The following PPP4R4 variants were observed in gnomAD, a reference collection of about 807,000 sequenced individuals.
PPP4R4 encodes the protein serine/threonine-protein phosphatase 4 regulatory subunit 4.
A neutral mutation model predicts 121.8 loss-of-function variants in PPP4R4; 70 were observed. The ratio of observed to expected loss-of-function variants is 0.57; its 90% CI spans 0.47 to 0.70. The LOEUF (loss-of-function observed/expected upper bound fraction) is 0.70, where lower values mean the gene tolerates loss of function less well. PPP4R4 is among the 30% of genes least tolerant of loss of function. The pLI is 0.00. For missense variants in PPP4R4, 875 were observed against 1,033.6 expected (o/e 0.85, Z 2.10); for synonymous variants, 348 against 355.7 (o/e 0.98, Z 0.24).
intron 13 of PPP4R4, 23 bp from the exon 14 acceptor site, chr14:94,246,334 T>G: frequency 1.3e-6 from 2 of 1,580,954 alleles, no homozygotes; most frequent in Non-Finnish European, 1.7e-6. Context: ...TATAATTGAT[T>G]TTTTGATGCG....
chr14:94,189,429 T>C (rs955479857), intron 2 of PPP4R4, among the ~76,000 whole-genome samples: 2 of 152,352 alleles, frequency 1.3e-5, no homozygotes, highest in East Asian at 1.9e-4. Context: ...AATATTATAA[T>C]TGATTTGTTT....
intron 24 of PPP4R4, among the ~76,000 whole-genome samples, chr14:94,276,865 A>G (rs1282909934): frequency 6.6e-6 from 1 of 152,236 alleles, no homozygotes; most frequent in Non-Finnish European, 1.5e-5. Flanking sequence ...GTACTATTAC[A>G]AAAATGTAAT....
At chr14:94,200,693 TTTC>T (rs1890124948) in intron 2 of PPP4R4, among the ~76,000 whole-genome samples, 2 of 152,216 alleles carry the variant, frequency 1.3e-5, no homozygotes, top group South Asian at 4.1e-4. Context: ...TCCCGTTTCA[TTTC>T]TAATTGAGCT....
chr14:94,181,987 C>G (rs1362101330), intron 2 of PPP4R4, among the ~76,000 whole-genome samples: 1 of 152,174 alleles, frequency 6.6e-6, no homozygotes, highest in Non-Finnish European at 1.5e-5. Context: ...CTATTAGCGA[C>G]GAGCTTTCAG....
intron 2 of PPP4R4, among the ~76,000 whole-genome samples, chr14:94,183,882 T>A (rs1889118952): frequency 6.6e-6 from 1 of 151,724 alleles, no homozygotes; most frequent in African/African-American, 2.4e-5. Context: ...ACATTAAAAT[T>A]AATCTATAAA....
chr14:94,255,464 G>A (rs908986919), intron 16 of PPP4R4, among the ~76,000 whole-genome samples: 1 of 152,108 alleles, frequency 6.6e-6, no homozygotes, highest in African/African-American at 2.4e-5. Context: ...AGCCAGGCAT[G>A]GTGGCGGGCA....
intron 1 of PPP4R4, 52 bp downstream of exon 1, chr14:94,174,634 C>T (rs765047025): frequency 3.8e-6 from 6 of 1,594,374 alleles, no homozygotes; most frequent in South Asian, 1.1e-5. Context: ...GCCTGCCCCG[C>T]GCGGTCCCGC....
chr14:94,245,505 A>G, intron 12 of PPP4R4, 82 bp from the exon 13 acceptor site: 2 of 670,010 alleles, frequency 3.0e-6, no homozygotes, highest in Non-Finnish European at 4.8e-6. Flanking sequence ...AACCACTACT[A>G]CTATATAGAA....
chr14:94,212,417 A>G (rs1890790373), intron 3 of PPP4R4, among the ~76,000 whole-genome samples: 1 of 152,172 alleles, frequency 6.6e-6, no homozygotes, highest in South Asian at 2.1e-4. Context: ...AATAGAATTA[A>G]GCCAATCCAT....
intron 17 of PPP4R4, among the ~76,000 whole-genome samples, chr14:94,256,850 GT>G (rs545636887): frequency 8.0e-4 from 122 of 152,118 alleles, no homozygotes; most frequent in Non-Finnish European, 1.3e-3. Context: ...TTTGACACAT[GT>G]TAGGTGCTCA....
intron 3 of PPP4R4, among the ~76,000 whole-genome samples, chr14:94,220,026 A>T (rs1595488945): frequency 6.6e-6 from 1 of 152,204 alleles, no homozygotes; most frequent in East Asian, 1.9e-4. Context: ...GTTCGAGGCC[A>T]GCCTGGCCAA....
At chr14:94,197,588 C>T (rs1441778851) in intron 2 of PPP4R4, among the ~76,000 whole-genome samples, 1 of 152,038 alleles carries the variant, frequency 6.6e-6, no homozygotes, top group African/African-American at 2.4e-5. Context: ...CAGTAAACTA[C>T]ATATATTTAA....
At chr14:94,265,346 C>T (rs757482370) in intron 20 of PPP4R4, 41 bp from the exon 21 acceptor site, 4 of 1,418,984 alleles carry the variant, frequency 2.8e-6, no homozygotes, top group East Asian at 4.6e-5. Flanking sequence ...TTAATAAGGA[C>T]TTAGAGGAAA....
chr14:94,250,557 GGAACTAAAAT>G (rs1397875286), intron 15 of PPP4R4, among the ~76,000 whole-genome samples: 14 of 151,902 alleles, frequency 9.2e-5, no homozygotes, highest in African/African-American at 3.1e-4. Context: ...AATAGCATTT[GGAACTAAAAT>G]ATAAATAGAA....
rs927800264 is a variant in PPP4R4, at chr14:94,230,505, G to C, written c.295-82G>C. The C allele has an allele frequency of 2.3e-6, 3 of 1,325,138 alleles. No homozygotes were observed. In the African/African-American group the frequency reaches 4.4e-5, roughly 20 times the overall value. 82.1% of individuals were successfully genotyped at this position (1,325,138 alleles called of 1,614,324 possible). A position where few individuals can be genotyped will look rare whatever the true frequency, so the allele number is the denominator to read the frequency against. On this transcript the variant is annotated intron_variant, in intron 3 of 24. Transcript: ENST00000304338. ...TAATTTTGTGGAATATGACTATTTAGTTTCTACAACCTTGGATTTTTAAAA... is the reference window on the plus strand; with the variant it reads ...TAATTTTGTGGAATATGACTATTTACTTTCTACAACCTTGGATTTTTAAAA...
At chr14:94,277,170 A>T (rs58197208) in intron 24 of PPP4R4, among the ~76,000 whole-genome samples, 5 of 151,978 alleles carry the variant, frequency 3.3e-5, no homozygotes, top group Admixed American at 6.6e-5. Flanking sequence ...CTGTGGTGGC[A>T]TGTGCCTGTA....
chr14:94,250,137 C>T (rs1296658661), intron 14 of PPP4R4, 35 bp from the exon 15 acceptor site: 2 of 1,367,288 alleles, frequency 1.5e-6, no homozygotes, highest in East Asian at 4.6e-5. Context: ...TAGAATTAGC[C>T]TAGTGTAACT....
intron 3 of PPP4R4, among the ~76,000 whole-genome samples, 175 bp from the exon 4 acceptor site, chr14:94,230,412 T>C (rs1891950400): frequency 6.6e-6 from 1 of 152,210 alleles, no homozygotes; most frequent in African/African-American, 2.4e-5. Context: ...GTGTAATGAG[T>C]TAAATGATCA....
At chr14:94,241,399 C>T (rs1221044160) in intron 9 of PPP4R4, among the ~76,000 whole-genome samples, 1 of 152,020 alleles carries the variant, frequency 6.6e-6, no homozygotes, top group Non-Finnish European at 1.5e-5. Context: ...TGCAGAGACA[C>T]ATACACACAT....
Sources: allele counts gnomAD v4.1 joint callset (sites outside exome capture counted in the v4.1 genomes callset), GRCh38; gene constraint gnomAD v4.1.1; transcripts MANE v1.5; gene names NCBI Gene and HGNC (gene_info 2026-07-23, HGNC 2026-07-21).